The following VSIG1 variants were observed in gnomAD, a reference collection of about 807,000 sequenced individuals.
VSIG1 encodes the protein V-set and immunoglobulin domain containing 1, also known as V-set and immunoglobulin domain-containing protein 1.
In VSIG1, 11 loss-of-function variants were observed where a neutral mutation model predicts 20.1. The ratio of observed to expected loss-of-function variants is 0.55; its 90% CI spans 0.34 to 0.91. The LOEUF is 0.91. VSIG1 is among the 40% of genes least tolerant of loss of function. The pLI, the probability that VSIG1 is intolerant of heterozygous loss-of-function variation, is 0.02. For missense variants in VSIG1, 283 were observed against 298.8 expected (o/e 0.95, Z 0.39); for synonymous variants, 126 against 116.7 (o/e 1.08, Z -0.52).
chrX:108,036,906 TAAC>T, the VSIG1 span, among the ~76,000 whole-genome samples: 1 of 111,936 alleles, frequency 8.9e-6, no homozygotes, highest in African/African-American at 3.2e-5. Context: ...TTTCACTGCA[TAAC>T]AACATCACAG....
At chrX:108,066,535 A>G (rs1205926540) in intron 2 of VSIG1, among the ~76,000 whole-genome samples, 1 of 111,049 alleles carries the variant, frequency 9.0e-6, no homozygotes, top group African/African-American at 3.3e-5. Context: ...AGTTTATAAA[A>G]TGGTAAAAAA....
chrX:108,026,298 T>C, the VSIG1 span, among the ~76,000 whole-genome samples: 1 of 111,758 alleles, frequency 8.9e-6, no homozygotes, highest in Non-Finnish European at 1.9e-5. Context: ...AACCAGGTTG[T>C]CTTTAATATG....
intron 2 of VSIG1, among the ~76,000 whole-genome samples, chrX:108,060,128 C>G (rs1295750055): frequency 9.0e-6 from 1 of 111,559 alleles, no homozygotes; most frequent in Non-Finnish European, 1.9e-5. Context: ...GAGCCCAGAA[C>G]ATCTCTTAGA....
the VSIG1 span, among the ~76,000 whole-genome samples, chrX:108,031,512 C>A: frequency 8.9e-6 from 1 of 111,768 alleles, no homozygotes; most frequent in Non-Finnish European, 1.9e-5. Context: ...AGAGCCAGAG[C>A]TCTGTTTAGT....
chrX:108,073,016 T>C (rs778839335), intron 4 of VSIG1, among the ~76,000 whole-genome samples, 184 bp downstream of exon 4: 11 of 110,912 alleles, frequency 9.9e-5, no homozygotes, highest in Non-Finnish European at 1.9e-4. Context: ...GATTGTGTTC[T>C]GGTCTACTCC....
chrX:108,032,820 T>C, the VSIG1 span, among the ~76,000 whole-genome samples: 2 of 111,648 alleles, frequency 1.8e-5, no homozygotes. Flanking sequence ...ATCTAGACCA[T>C]ATGCCATCAA....
At chrX:108,062,428 G>T (rs888107633) in intron 2 of VSIG1, among the ~76,000 whole-genome samples, 1 of 111,351 alleles carries the variant, frequency 9.0e-6, no homozygotes, top group Non-Finnish European at 1.9e-5. Flanking sequence ...AATACTGCAA[G>T]TTCTTCCCCA....
rs1569287352 is a variant in VSIG1 at position 108,047,941 on chromosome X, T to TATATATATACAC, written c.49+2771_49+2772insCACATATATATA. Among the ~76,000 whole-genome samples the TATATATATACAC allele has an allele frequency of 1.8e-3, 47 of 26,410 alleles. 2 individuals are homozygous for TATATATATACAC. Among genetic ancestry groups the TATATATATACAC allele is most frequent in the African/African-American group, 4.8e-3 (20 of 4,181 alleles). 22.9% of individuals were successfully genotyped at this position (26,410 alleles called of 115,157 possible). ...ATACACATATATATATATACACATATATATATATATATACACACACATATA... is the reference window on the plus strand; with the variant it reads ...ATACACATATATATATATACACATATATATATATACACATATATATATATACACACACATATA... On this transcript the variant is annotated intron_variant, in intron 1 of 6. Coordinates refer to ENST00000217957, the MANE Select transcript of VSIG1 (RefSeq NM_182607.5).
At chrX:108,028,713 A>G in the VSIG1 span, among the ~76,000 whole-genome samples, 1 of 111,744 alleles carries the variant, frequency 8.9e-6, no homozygotes, top group Non-Finnish European at 1.9e-5. Flanking sequence ...CAAAAGGTCC[A>G]TCTGTATAGG....
At chrX:108,047,871 CACATAT>C (rs1569287151) in intron 1 of VSIG1, among the ~76,000 whole-genome samples, 926 of 28,754 alleles carry the variant, frequency 0.032, 98 homozygotes, top group African/African-American at 0.081. Context: ...TATATATATA[CACATAT>C]ATATATATAC....
rs147801545 is a variant in VSIG1 at position 108,076,157 on chromosome X, G to T, written c.769G>T (p.Ala257Ser). 8 of 1,209,487 alleles carry T rather than the reference G, an allele frequency of 6.6e-6. No homozygotes were observed. In the African/African-American group the frequency reaches 1.4e-4, roughly 21 times the overall value. The change falls in exon 6 of 7, where the codon GCA becomes TCA. Residue 257 changes from alanine to serine, a missense_variant. Coordinates refer to ENST00000217957, the MANE Select transcript of VSIG1 (RefSeq NM_182607.5). Reference sequence around the variant, plus strand: ...CATCATCATCTCTGTTGTGTGCTTCGCAAGGAATAAGGCAAAAGCAAAGGC... The same window carrying T: ...CATCATCATCTCTGTTGTGTGCTTCTCAAGGAATAAGGCAAAAGCAAAGGC... ...AAIIISVVCF[A>S]RNKAKAKAKE...
upstream of VSIG1, among the ~76,000 whole-genome samples, chrX:108,043,667 A>G (rs1159947562): frequency 2.7e-5 from 3 of 111,845 alleles, no homozygotes; most frequent in African/African-American, 9.8e-5. Context: ...AACGTTTGGC[A>G]TCAGACATGA....
chrX:108,066,969 A>G lies in VSIG1; in HGVS notation c.247A>G (p.Ile83Val). ...TTCTCAAGGTGGACAAGCTGTAGCC[A>G]TCGGGCAATTTAAAGATCGAATTAC... ...YFSQGGQAVA[I>V]GQFKDRITGS... The change falls in exon 3 of 7, where the codon ATC (isoleucine) becomes GTC (valine). Residue 83 changes from isoleucine (I) to valine (V), a missense_variant. By Grantham distance (29) the Ile-to-Val change is conservative. Coordinates refer to ENST00000217957, the MANE Select transcript of VSIG1 (RefSeq NM_182607.5). 8.3e-7 allele frequency: 1 copy of G among 1,211,570 alleles called. No homozygotes were observed. The highest frequency in any genetic ancestry group is 1.8e-5 in the South Asian group (1 of 56,987).
chrX:108,064,936 C>T (rs1193923701), intron 2 of VSIG1: 1 of 160,804 alleles, frequency 6.2e-6, no homozygotes, highest in Non-Finnish European at 1.0e-5. Flanking sequence ...CACTTGAATA[C>T]CTGGAGTTAA....
intron 6 of VSIG1, 35 bp downstream of exon 6, chrX:108,076,253 A>G: frequency 8.4e-7 from 1 of 1,190,077 alleles, no homozygotes; most frequent in South Asian, 1.9e-5. Context: ...ACTTGAATAC[A>G]AACATTTCTC....
chrX:108,051,325 C>T (rs1239712414), intron 1 of VSIG1, among the ~76,000 whole-genome samples: 1 of 111,263 alleles, frequency 9.0e-6, no homozygotes, highest in African/African-American at 3.3e-5. Context: ...CCATACCTAC[C>T]CCAACTGAGA....
chrX:108,053,631 T>A (rs1392125927), intron 1 of VSIG1, among the ~76,000 whole-genome samples: 1 of 111,485 alleles, frequency 9.0e-6, no homozygotes, highest in African/African-American at 3.3e-5. Context: ...GAATAATATA[T>A]CAATAATTAC....
Position 108,077,284 on chromosome X carries a change from C to T in VSIG1, c.1067C>T (p.Ser356Leu), listed in dbSNP as rs555955263. The T allele has an allele frequency of 1.7e-5, 21 of 1,210,159 alleles. No homozygotes were observed. The African/African-American group carries it at 2.1e-4, about 12-fold the overall frequency. ...IELELEPETQ[S>L]ELEPEPEPEP... ...CTGGAGCTGGAGCCAGAAACGCAGT[C>T]GGAATTGGAGCCAGAGCCAGAGCCA... The change falls in exon 7 of 7, where the codon TCG (serine) becomes TTG (leucine). Residue 356 changes from serine to leucine, a missense_variant. Physicochemically the swap from Ser to Leu is moderately radical, Grantham distance 145 (BLOSUM62 -2). Transcript: ENST00000217957.
At chrX:108,035,185 G>A in the VSIG1 span, among the ~76,000 whole-genome samples, 12 of 111,015 alleles carry the variant, frequency 1.1e-4, no homozygotes, top group Admixed American at 7.7e-4. Flanking sequence ...TGAAACCTCC[G>A]CTTCCTGGGT....
Sources: gnomAD v4.1 joint callset for allele counts (sites outside exome capture counted in the v4.1 genomes callset) on GRCh38, gnomAD v4.1.1 for gene constraint, MANE v1.5 for transcripts, NCBI Gene and HGNC (gene_info 2026-07-23, HGNC 2026-07-21) for gene names.